The following ALK variants were observed in gnomAD, a reference collection of about 807,000 sequenced individuals.
ALK encodes ALK receptor tyrosine kinase.
Under a neutral mutation model 163.1 loss-of-function variants are expected in ALK, and 74 were observed. That is an observed-to-expected ratio of 0.45 (90% CI 0.38 to 0.55). The LOEUF (loss-of-function observed/expected upper bound fraction) is 0.55. ALK is among the 20% of genes least tolerant of loss of function. ALK has a pLI of 0.00. For synonymous variants in ALK, 960 were observed against 843.2 expected, an observed-to-expected ratio of 1.14 and a Z score of -2.40; for missense variants, 2,063 against 2,105.3, an observed-to-expected ratio of 0.98 and a Z score of 0.39.
intron 1 of ALK, among the ~76,000 whole-genome samples, chr2:29,765,990 G>A (rs1389151690): frequency 6.6e-6 from 1 of 152,172 alleles, no homozygotes; most frequent in Non-Finnish European, 1.5e-5. Flanking sequence ...ATAATTTGAA[G>A]TGAAATGTGG....
chr2:29,271,191 T>C (rs112085062), intron 11 of ALK, among the ~76,000 whole-genome samples: 7,974 of 152,266 alleles, frequency 0.052, 247 homozygotes, highest in Middle Eastern at 0.078. Context: ...TGCAGGCCTG[T>C]GGAGCCTGCC....
chr2:29,505,249 G>A (rs949445244), intron 4 of ALK, among the ~76,000 whole-genome samples: 5 of 152,138 alleles, frequency 3.3e-5, no homozygotes, highest in Non-Finnish European at 7.4e-5. Flanking sequence ...TTGCCTGGGA[G>A]CCACACAGCC....
intron 4 of ALK, among the ~76,000 whole-genome samples, chr2:29,455,420 T>G (rs1291849282): frequency 1.3e-5 from 2 of 152,204 alleles, no homozygotes; most frequent in Non-Finnish European, 2.9e-5. Flanking sequence ...AGACTTCTGC[T>G]GTCCTGTGTG....
intron 3 of ALK, among the ~76,000 whole-genome samples, chr2:29,689,913 G>A (rs539239790): frequency 2.0e-5 from 3 of 152,300 alleles, no homozygotes; most frequent in Non-Finnish European, 2.9e-5. Context: ...AGGATTCCCG[G>A]CAATGCCAGA....
intron 3 of ALK, among the ~76,000 whole-genome samples, chr2:29,651,452 C>G (rs1451656432): frequency 3.3e-5 from 5 of 152,176 alleles, no homozygotes; most frequent in Admixed American, 3.3e-4. Flanking sequence ...ATCTTTCTCA[C>G]ATTTATCAGA....
intron 1 of ALK, among the ~76,000 whole-genome samples, chr2:29,741,217 T>C (rs72851972): frequency 1.2e-4 from 19 of 152,182 alleles, no homozygotes; most frequent in African/African-American, 4.6e-4. Context: ...GATAAATAGG[T>C]GGACCACAGA....
rs1331383875 is a variant in ALK at position 29,197,504 on chromosome 2, C to T, written c.4073+38G>A. 8 of 1,610,746 alleles carry T rather than the reference C, an allele frequency of 5.0e-6. No individual in the cohort carries two copies. The African/African-American group carries it at 9.4e-5, about 19-fold the overall frequency. On this transcript the variant is annotated intron_variant, in intron 27 of 28. Transcript: ENST00000389048. ...GGATATTTTTTGAAAAGAAAAACTGCTTAGTAACTAGCAGAAGTGTTCCTA... is the reference window on the plus strand; with the variant it reads ...GGATATTTTTTGAAAAGAAAAACTGTTTAGTAACTAGCAGAAGTGTTCCTA...
At chr2:29,905,896 C>T (rs1438675628) in intron 1 of ALK, among the ~76,000 whole-genome samples, 4 of 152,198 alleles carry the variant, frequency 2.6e-5, no homozygotes, top group Admixed American at 2.0e-4. Context: ...TCTGGCCCCA[C>T]TCCTGGGCTC....
intron 3 of ALK, among the ~76,000 whole-genome samples, chr2:29,640,600 C>G (rs1676674960): frequency 6.6e-6 from 1 of 152,128 alleles, no homozygotes; most frequent in African/African-American, 2.4e-5. Flanking sequence ...GAACCGTGAG[C>G]CATTAAACCT....
intron 5 of ALK, among the ~76,000 whole-genome samples, chr2:29,352,972 G>C (rs1309368276): frequency 6.6e-6 from 1 of 152,052 alleles, no homozygotes; most frequent in African/African-American, 2.4e-5. Context: ...TTGAAACAAA[G>C]ACAGTAACAG....
intron 1 of ALK, among the ~76,000 whole-genome samples, chr2:29,794,495 G>C (rs1351448230): frequency 6.6e-6 from 1 of 152,098 alleles, no homozygotes; most frequent in African/African-American, 2.4e-5. Flanking sequence ...CCTAGCTTTT[G>C]ATCTGTCTCA....
At chr2:29,648,347 C>T (rs1676944861) in intron 3 of ALK, among the ~76,000 whole-genome samples, 1 of 152,028 alleles carries the variant, frequency 6.6e-6, no homozygotes, top group South Asian at 2.1e-4. Context: ...GTGAAATATA[C>T]ATAACATAAA....
chr2:29,402,067 C>CAAG (rs1332953613), intron 4 of ALK, among the ~76,000 whole-genome samples: 1 of 152,214 alleles, frequency 6.6e-6, no homozygotes, highest in Non-Finnish European at 1.5e-5. Context: ...CCTCCCTTCA[C>CAAG]AAGAGATCAG....
At chr2:29,336,296 T>C (rs1444181290) in intron 5 of ALK, among the ~76,000 whole-genome samples, 1 of 152,118 alleles carries the variant, frequency 6.6e-6, no homozygotes, top group Non-Finnish European at 1.5e-5. Flanking sequence ...TTGGATAGAG[T>C]TAGTGTCGAC....
intron 12 of ALK, among the ~76,000 whole-genome samples, chr2:29,249,479 C>T (rs1222682722): frequency 6.6e-6 from 1 of 152,132 alleles, no homozygotes; most frequent in African/African-American, 2.4e-5. Flanking sequence ...CTTTCCTGTC[C>T]CTTCTGCCCT....
chr2:29,844,239 G>T (rs1441611920), intron 1 of ALK, among the ~76,000 whole-genome samples: 4 of 152,200 alleles, frequency 2.6e-5, no homozygotes, highest in Non-Finnish European at 5.9e-5. Flanking sequence ...TGGAAAGCAG[G>T]GGTGGGTAAG....
At chr2:29,732,632 G>T (rs1454911024) in intron 1 of ALK, among the ~76,000 whole-genome samples, 1 of 152,192 alleles carries the variant, frequency 6.6e-6, no homozygotes, top group Non-Finnish European at 1.5e-5. Flanking sequence ...CCACTCCCCA[G>T]TGTGATGGTA....
At chr2:29,890,865 C>A (rs753088207) in intron 1 of ALK, 1 of 152,178 alleles carries the variant, frequency 6.6e-6, no homozygotes, top group Non-Finnish European at 1.5e-5. Context: ...AAGCCCCCAA[C>A]TCATAGCTCA....
intron 23 of ALK, among the ~76,000 whole-genome samples, chr2:29,218,495 G>T (rs746582825): frequency 7.2e-5 from 11 of 152,156 alleles, no homozygotes; most frequent in Non-Finnish European, 2.9e-5. Flanking sequence ...TATGTTCTTT[G>T]TAATAATATT....
Sources: gnomAD v4.1 joint callset for allele counts (sites outside exome capture counted in the v4.1 genomes callset) on GRCh38, gnomAD v4.1.1 for gene constraint, MANE v1.5 for transcripts, NCBI Gene and HGNC (gene_info 2026-07-23, HGNC 2026-07-21) for gene names.